AFF2: variants seen among roughly 807,000 people sequenced by gnomAD.
AFF2 encodes the protein AF4/FMR2 family member 2.
AFF2 carries 14 observed loss-of-function variants against 76.9 expected under a neutral mutation model. The observed-to-expected ratio is 0.18, with a 90% confidence interval of 0.12 to 0.28. The LOEUF (loss-of-function observed/expected upper bound fraction) is 0.28, where lower values mean the gene tolerates loss of function less well. Among genes scored for constraint, AFF2 ranks in the 10% least tolerant of loss-of-function variants. AFF2 has a pLI of 1.00. For missense variants in AFF2, 868 were observed against 1,001.1 expected (o/e 0.87, Z 1.79); for synonymous variants, 398 against 366.7 (o/e 1.09, Z -0.98).
rs1408668187 is a variant in AFF2 at position 148,849,382 on chromosome X, C to A, written c.1262+5949C>A. 4.1e-4 allele frequency among the ~76,000 whole-genome samples: 10 copies of A among 24,196 alleles called. No individual in the cohort carries two copies. In the East Asian group the frequency reaches 7.3e-3, roughly 18 times the overall value. 21.0% of individuals were successfully genotyped at this position (24,196 alleles called of 115,157 possible). A position where few individuals can be genotyped will look rare whatever the true frequency, so the allele number is the denominator to read the frequency against. On this transcript the variant is annotated intron_variant, in intron 7 of 20. Coordinates refer to ENST00000370460, the MANE Select transcript of AFF2 (RefSeq NM_002025.4). Reference sequence around the variant, plus strand: ...TCTCTCTCCTCCCCCCCCCCCCCCCCCCCCGCTGACCACCCCTCTCTCTCC... The same window carrying A: ...TCTCTCTCCTCCCCCCCCCCCCCCCACCCCGCTGACCACCCCTCTCTCTCC...
intron 1 of AFF2, among the ~76,000 whole-genome samples, chrX:148,526,754 T>G (rs1224173407): frequency 1.8e-5 from 2 of 111,703 alleles, no homozygotes; most frequent in Non-Finnish European, 3.8e-5. Context: ...TCTGTTCATC[T>G]GTATATACAG....
At chrX:148,872,247 C>A (rs997432804) in intron 7 of AFF2, among the ~76,000 whole-genome samples, 1 of 111,463 alleles carries the variant, frequency 9.0e-6, no homozygotes, top group Admixed American at 9.5e-5. Flanking sequence ...TTTATCACCC[C>A]GAAAGAATCT....
intron 19 of AFF2, 108 bp from the exon 20 acceptor site, chrX:148,987,259 C>A: frequency 1.4e-6 from 1 of 737,427 alleles, no homozygotes; most frequent in Non-Finnish European, 2.0e-6. Context: ...AAACTTCACT[C>A]CAGCAAATGG....
chrX:148,518,802 T>C (rs1283482303), intron 1 of AFF2, among the ~76,000 whole-genome samples: 2 of 111,973 alleles, frequency 1.8e-5, no homozygotes, highest in African/African-American at 6.5e-5. Context: ...AAGCTTGAAA[T>C]TGTTGGAAAA....
At chrX:148,964,520 A>G (rs1557288457) in intron 13 of AFF2, among the ~76,000 whole-genome samples, 1 of 111,965 alleles carries the variant, frequency 8.9e-6, no homozygotes, top group Non-Finnish European at 1.9e-5. Context: ...ACATTATGCT[A>G]AGTGAAATAA....
In AFF2 at chrX:148,997,213, C is replaced by A. The variant is rs189959029; in HGVS notation, c.*5881C>A. The A allele has an allele frequency of 9.0e-6, 1 of 111,196 alleles. No homozygotes were observed. Among genetic ancestry groups the A allele is most frequent in the Non-Finnish European group, 1.9e-5 (1 of 53,021 alleles). 9.2% of individuals were successfully genotyped at this position (111,196 alleles called of 1,213,427 possible). ...CAAACCAAAATAATTCTTTTTCCAC[C>A]CAGTACGAAGAAAACTAAGCTCAGT... On this transcript the variant is annotated 3_prime_UTR_variant, in exon 21 of 21. Coordinates refer to ENST00000370460, the MANE Select transcript of AFF2 (RefSeq NM_002025.4).
At chrX:148,891,749 C>G (rs1557279762) in intron 8 of AFF2, among the ~76,000 whole-genome samples, 1 of 111,520 alleles carries the variant, frequency 9.0e-6, no homozygotes, top group Non-Finnish European at 1.9e-5. Flanking sequence ...TTAGATCTGG[C>G]CATGGCTGTC....
intron 1 of AFF2, among the ~76,000 whole-genome samples, chrX:148,523,991 A>C (rs1410442536): frequency 3.6e-5 from 4 of 110,958 alleles, no homozygotes; most frequent in Non-Finnish European, 7.6e-5. Context: ...TTCTCATTCA[A>C]AGCCTGGAAC....
At chrX:148,508,221 C>T (rs1186900019) in intron 1 of AFF2, among the ~76,000 whole-genome samples, 1 of 112,097 alleles carries the variant, frequency 8.9e-6, no homozygotes, top group African/African-American at 3.2e-5. Context: ...TAGTTCTCTG[C>T]ATCATCTACC....
At chrX:148,688,143 A>C (rs1243166206) in intron 3 of AFF2, among the ~76,000 whole-genome samples, 1 of 111,280 alleles carries the variant, frequency 9.0e-6, no homozygotes, top group Non-Finnish European at 1.9e-5. Flanking sequence ...ACAGGTAAGC[A>C]TCATGACTCA....
At chrX:148,984,505 C>G (rs1309477510) in intron 19 of AFF2, among the ~76,000 whole-genome samples, 1 of 111,782 alleles carries the variant, frequency 8.9e-6, no homozygotes, top group African/African-American at 3.3e-5. Flanking sequence ...TCAGCCCTCT[C>G]TTAGCCACAG....
intron 3 of AFF2, among the ~76,000 whole-genome samples, chrX:148,783,071 T>C (rs2069765509): frequency 1.8e-5 from 2 of 112,029 alleles, no homozygotes; most frequent in East Asian, 2.8e-4. Flanking sequence ...GCAAATAACA[T>C]TGAAAAAGAG....
At chrX:148,611,516 T>A (rs1000325294) in intron 1 of AFF2, among the ~76,000 whole-genome samples, 3 of 111,661 alleles carry the variant, frequency 2.7e-5, no homozygotes, top group African/African-American at 9.8e-5. Flanking sequence ...TTACATTCCT[T>A]CTGGAGGCTC....
intron 1 of AFF2, among the ~76,000 whole-genome samples, chrX:148,557,432 C>T: frequency 8.9e-6 from 1 of 112,066 alleles, no homozygotes; most frequent in East Asian, 2.8e-4. Context: ...TGTTACAGTT[C>T]TGGAGACTGG....
intron 7 of AFF2, among the ~76,000 whole-genome samples, chrX:148,851,554 C>T (rs2070731166): frequency 9.0e-6 from 1 of 111,027 alleles, no homozygotes; most frequent in South Asian, 3.9e-4. Flanking sequence ...GTTCTAGGGT[C>T]CCTGAGAGAG....
At chrX:148,928,699 G>T (rs1190384445) in intron 9 of AFF2, among the ~76,000 whole-genome samples, 1 of 112,274 alleles carries the variant, frequency 8.9e-6, no homozygotes, top group African/African-American at 3.2e-5. Flanking sequence ...ATTTAATGCT[G>T]TCAGACAACC....
intron 3 of AFF2, among the ~76,000 whole-genome samples, chrX:148,683,877 C>T (rs1432252858): frequency 1.8e-5 from 2 of 111,380 alleles, no homozygotes; most frequent in Non-Finnish European, 3.8e-5. Context: ...TTTTTTTTGG[C>T]TTTGGAGGCT....
At chrX:148,602,473 C>T (rs968623204) in intron 1 of AFF2, among the ~76,000 whole-genome samples, 5 of 109,762 alleles carry the variant, frequency 4.6e-5, no homozygotes, top group East Asian at 5.8e-4. Context: ...GGGGTGATAG[C>T]GGAGGATGAG....
intron 3 of AFF2, among the ~76,000 whole-genome samples, chrX:148,806,599 C>T (rs1226781450): frequency 8.9e-6 from 1 of 112,020 alleles, no homozygotes; most frequent in South Asian, 3.7e-4. Flanking sequence ...TAAATCCTCC[C>T]TCTTGGCACC....
Sources: allele counts gnomAD v4.1 joint callset (sites outside exome capture counted in the v4.1 genomes callset), GRCh38; gene constraint gnomAD v4.1.1; transcripts MANE v1.5; gene names NCBI Gene and HGNC (gene_info 2026-07-23, HGNC 2026-07-21).